LARP1: variants seen among roughly 807,000 people sequenced by gnomAD.
LARP1 encodes La ribonucleoprotein 1, translational regulator.
LARP1 carries 36 observed loss-of-function variants against 122.7 expected under a neutral mutation model. The observed-to-expected ratio is 0.29, with a 90% CI of 0.22 to 0.39. The LOEUF is 0.39. Ranked by LOEUF, LARP1 falls within the 10% of genes least tolerant of loss-of-function variation. LARP1 has a pLI of 1.00. For missense variants in LARP1, 1,040 were observed against 1,403.6 expected, an observed-to-expected ratio of 0.74 and a Z score of 4.14; for synonymous variants, 539 against 528.7, an observed-to-expected ratio of 1.02 and a Z score of -0.27.
chr5:154,732,153 A>G (rs939429939), intron 1 of LARP1, among the ~76,000 whole-genome samples: 3 of 150,298 alleles, frequency 2.0e-5, no homozygotes, highest in Non-Finnish European at 4.4e-5. Flanking sequence ...GCGACAGAGC[A>G]AGACTCTAGC....
At chr5:154,737,845 T>C (rs1018809168) in intron 1 of LARP1, among the ~76,000 whole-genome samples, 1 of 152,146 alleles carries the variant, frequency 6.6e-6, no homozygotes, top group Non-Finnish European at 1.5e-5. Context: ...CTATCCTCAT[T>C]GTTCCAGCTT....
At chr5:154,748,720 C>T (rs780237096) in intron 1 of LARP1, among the ~76,000 whole-genome samples, 29 of 152,218 alleles carry the variant, frequency 1.9e-4, no homozygotes, top group Admixed American at 1.4e-3. Context: ...CTCACTGAAG[C>T]TCTATGAGAT....
chr5:154,793,930 G>A lies in LARP1; in HGVS notation c.999G>A (p.Ala333=), dbSNP rs371797350. The part of the protein sequence containing the change: ...SSVKSDGAGG[A]RASFRGRGRG... ...TGAAGAGTGATGGGGCTGGTGGGGC[G>A]CGGGCTTCCTTCCGTGGCCGTGGAC... Residue 333 remains alanine, a synonymous_variant, in exon 6 of 19, where the codon GCG becomes GCA. Transcript: ENST00000518297. The A allele has an allele frequency of 2.0e-5, 33 of 1,614,012 alleles. No homozygotes were observed. Among genetic ancestry groups the A allele is most frequent in the East Asian group, 4.5e-5 (2 of 44,874 alleles).
chr5:154,691,947 G>A (rs977319781), intron 1 of LARP1, among the ~76,000 whole-genome samples: 53 of 149,004 alleles, frequency 3.6e-4, no homozygotes, highest in African/African-American at 1.3e-3. Flanking sequence ...GCGCCACCAC[G>A]CCCGGCTAAT....
chr5:154,760,159 A>G (rs1283965272), intron 1 of LARP1, among the ~76,000 whole-genome samples: 1 of 152,082 alleles, frequency 6.6e-6, no homozygotes, highest in Admixed American at 6.5e-5. Context: ...GCTGGTCTCA[A>G]ACTCCCGACC....
At chr5:154,785,827 C>T (rs1183556388) in intron 1 of LARP1, among the ~76,000 whole-genome samples, 2 of 152,164 alleles carry the variant, frequency 1.3e-5, no homozygotes, top group Admixed American at 1.3e-4. Context: ...CCTCTCTGCC[C>T]TGCCATTCCT....
At chr5:154,797,240 T>G (rs958179634) in intron 8 of LARP1, among the ~76,000 whole-genome samples, 1 of 135,034 alleles carries the variant, frequency 7.4e-6, no homozygotes, top group Non-Finnish European at 1.6e-5. Flanking sequence ...TTTTTTTTTT[T>G]TTTTTTTTTT....
intron 1 of LARP1, among the ~76,000 whole-genome samples, chr5:154,782,511 G>GGGGCTGGGCCT (rs781704965): frequency 6.6e-6 from 1 of 152,170 alleles, no homozygotes; most frequent in Non-Finnish European, 1.5e-5. Flanking sequence ...ATAGTCAGCT[G>GGGGCTGGGCCT]GGGCTGGGCC....
At position 154,782,947 on chromosome 5, in the gene LARP1, A is replaced by G. The variant is rs552480350; in HGVS notation, c.437-7378A>G. On this transcript the variant is annotated intron_variant, in intron 1 of 18. Coordinates refer to ENST00000518297, the MANE Select transcript of LARP1 (RefSeq NM_033551.3). Reference sequence around the variant, plus strand: ...CCTGTGGGTCTCCAGGCTCCCCTCTATGACTCCACCCCATCCCCAGGATGA... The same window carrying G: ...CCTGTGGGTCTCCAGGCTCCCCTCTGTGACTCCACCCCATCCCCAGGATGA... Among the ~76,000 whole-genome samples, 177 of 152,204 alleles carry G rather than the reference A, an allele frequency of 1.2e-3. 1 individual carries two copies. The highest frequency in any genetic ancestry group is 4.0e-3 in the African/African-American group (165 of 41,546).
exon 1 of LARP1, chr5:154,713,062 G>A: frequency 6.2e-7 from 1 of 1,614,180 alleles, no homozygotes; most frequent in South Asian, 1.1e-5. Flanking sequence ...GCTGCCCCGA[G>A]GAAGGAGCCC....
intron 1 of LARP1, among the ~76,000 whole-genome samples, chr5:154,687,107 C>T (rs1370323131): frequency 1.3e-5 from 2 of 152,202 alleles, no homozygotes; most frequent in Non-Finnish European, 2.9e-5. Flanking sequence ...ATTTTAGTCT[C>T]AAAGGTTTCT....
intron 16 of LARP1, among the ~76,000 whole-genome samples, chr5:154,808,815 C>A (rs905854113): frequency 3.3e-5 from 5 of 152,174 alleles, no homozygotes; most frequent in Middle Eastern, 3.2e-3. Context: ...GTTGTCTTAT[C>A]CCTGTCCCCC....
chr5:154,716,276 C>A (rs529584906), intron 1 of LARP1, among the ~76,000 whole-genome samples: 4 of 152,068 alleles, frequency 2.6e-5, no homozygotes, highest in Non-Finnish European at 5.9e-5. Flanking sequence ...CCCGCCACCA[C>A]GCCCAGCTAT....
At chr5:154,784,744 G>A (rs1224168580) in intron 1 of LARP1, among the ~76,000 whole-genome samples, 1 of 152,146 alleles carries the variant, frequency 6.6e-6, no homozygotes, top group Admixed American at 6.5e-5. Context: ...AATCACCCAT[G>A]TGCTTTCTAC....
chr5:154,740,544 A>G (rs1310059380), intron 1 of LARP1, among the ~76,000 whole-genome samples: 1 of 152,200 alleles, frequency 6.6e-6, no homozygotes, highest in Non-Finnish European at 1.5e-5. Flanking sequence ...GTTTTACACT[A>G]GAGGAAGCAG....
At chr5:154,714,668 T>C (rs1755393292) in intron 1 of LARP1, among the ~76,000 whole-genome samples, 1 of 152,180 alleles carries the variant, frequency 6.6e-6, no homozygotes, top group African/African-American at 2.4e-5. Context: ...TCTCCTTTCC[T>C]GCAGCTCCCT....
chr5:154,805,812 G>T, intron 14 of LARP1, 69 bp from the exon 15 acceptor site: 1 of 1,526,958 alleles, frequency 6.5e-7, no homozygotes, highest in Non-Finnish European at 8.9e-7. Context: ...ACGGATCAGA[G>T]GGACCCCTCC....
intron 14 of LARP1, chr5:154,805,301 GT>G (rs1388767624): frequency 8.5e-5 from 19 of 223,916 alleles, no homozygotes; most frequent in Admixed American, 1.6e-4. Context: ...CATCGTCGTG[GT>G]CTTCATGTTT....
At chr5:154,745,632 C>T (rs1458922750) in intron 1 of LARP1, among the ~76,000 whole-genome samples, 1 of 152,142 alleles carries the variant, frequency 6.6e-6, no homozygotes, top group Non-Finnish European at 1.5e-5. Flanking sequence ...AACACTTTCA[C>T]AAATATTGGC....
Sources: gnomAD v4.1 joint callset for allele counts (sites outside exome capture counted in the v4.1 genomes callset) on GRCh38, gnomAD v4.1.1 for gene constraint, MANE v1.5 for transcripts, NCBI Gene and HGNC (gene_info 2026-07-23, HGNC 2026-07-21) for gene names.